Variants in GRIN2B observed in about 807,000 individuals in gnomAD.
GRIN2B encodes glutamate ionotropic receptor NMDA type subunit 2B.
Under a neutral mutation model 114.5 loss-of-function variants are expected in GRIN2B, and 5 were observed. The observed-to-expected ratio is 0.04, with a 90% CI of 0.02 to 0.09. The LOEUF is 0.09. Among genes scored for constraint, GRIN2B ranks in the 10% least tolerant of loss-of-function variants. GRIN2B has a pLI of 1.00. For missense variants in GRIN2B, 1,108 were observed against 1,943.5 expected (o/e 0.57, Z 8.08); for synonymous variants, 787 against 745.1 (o/e 1.06, Z -0.92).
Position 13,759,588 on chromosome 12 carries a change from A to G in GRIN2B, c.412-5673T>C, listed in dbSNP as rs538174826. Among the ~76,000 whole-genome samples the G allele has an allele frequency of 4.6e-5, 7 of 152,274 alleles. 1 individual carries two copies. The East Asian group carries it at 1.2e-3, about 25-fold the overall frequency. On this transcript the variant is annotated intron_variant, in intron 3 of 13. Coordinates refer to ENST00000609686, the MANE Select transcript of GRIN2B (RefSeq NM_000834.5). ...ACCACTTCACTGAAACCCCTCTTGTAAAAGGCAGGTGACTTTGATATTGAC... is the reference window on the plus strand; with the variant it reads ...ACCACTTCACTGAAACCCCTCTTGTGAAAGGCAGGTGACTTTGATATTGAC...
At chr12:13,946,196 G>A (rs1277583614) in intron 2 of GRIN2B, among the ~76,000 whole-genome samples, 5 of 152,062 alleles carry the variant, frequency 3.3e-5, no homozygotes, top group Non-Finnish European at 7.4e-5. Context: ...TTAAAAATTT[G>A]TTTTAAGCTG....
At chr12:13,645,905 A>T (rs1949757557) in intron 5 of GRIN2B, among the ~76,000 whole-genome samples, 8 of 152,150 alleles carry the variant, frequency 5.3e-5, no homozygotes, top group Admixed American at 5.2e-4. Flanking sequence ...TTAAAGACTT[A>T]GTTGTGGAAT....
chr12:13,687,825 A>G (rs1009716134), intron 4 of GRIN2B, among the ~76,000 whole-genome samples: 4 of 152,246 alleles, frequency 2.6e-5, no homozygotes, highest in Non-Finnish European at 5.9e-5. Flanking sequence ...TGTACAAAAT[A>G]TGCTGACTGA....
chr12:13,921,119 A>G (rs1376532345), intron 2 of GRIN2B, among the ~76,000 whole-genome samples: 1 of 152,192 alleles, frequency 6.6e-6, no homozygotes, highest in African/African-American at 2.4e-5. Flanking sequence ...TTTAGGAACC[A>G]GGCATGGTAG....
At chr12:13,789,433 C>T (rs1190937738) in intron 3 of GRIN2B, among the ~76,000 whole-genome samples, 1 of 152,198 alleles carries the variant, frequency 6.6e-6, no homozygotes, top group East Asian at 1.9e-4. Context: ...GGATGCCCCA[C>T]TCCCCTGCAT....
intron 3 of GRIN2B, among the ~76,000 whole-genome samples, chr12:13,791,852 GGTTA>G (rs780085333): frequency 6.6e-5 from 10 of 152,104 alleles, no homozygotes; most frequent in African/African-American, 2.4e-4. Context: ...ATCTGCAAAT[GGTTA>G]GTGTTAACCG....
At chr12:13,849,330 A>G (rs762815793) in intron 3 of GRIN2B, among the ~76,000 whole-genome samples, 52 of 152,086 alleles carry the variant, frequency 3.4e-4, no homozygotes, top group Non-Finnish European at 6.3e-4. Context: ...CTGGACCTAC[A>G]GCTGTCACAG....
At chr12:13,965,609 T>C (rs1867778169) in intron 2 of GRIN2B, among the ~76,000 whole-genome samples, 1 of 151,998 alleles carries the variant, frequency 6.6e-6, no homozygotes, top group Admixed American at 6.6e-5. Context: ...TAGTTACCAG[T>C]TCCCAATTAT....
At chr12:13,944,170 C>G (rs547492688) in intron 2 of GRIN2B, among the ~76,000 whole-genome samples, 1 of 152,170 alleles carries the variant, frequency 6.6e-6, no homozygotes, top group Non-Finnish European at 1.5e-5. Flanking sequence ...TTCTCCAAAT[C>G]TGAAACACCC....
chr12:13,840,378 G>A (rs903048851), intron 3 of GRIN2B, among the ~76,000 whole-genome samples: 2 of 152,184 alleles, frequency 1.3e-5, no homozygotes, highest in African/African-American at 2.4e-5. Flanking sequence ...GCATTAGGAG[G>A]TGGCAGTAAA....
chr12:13,634,056 G>GCAAA (rs1949642473), intron 5 of GRIN2B: 3 of 152,164 alleles, frequency 2.0e-5, no homozygotes, highest in African/African-American at 7.2e-5. Context: ...TCACACCCAA[G>GCAAA]ATGGATTTCA....
intron 3 of GRIN2B, among the ~76,000 whole-genome samples, chr12:13,834,297 A>C (rs1345400675): frequency 6.6e-6 from 1 of 150,430 alleles, no homozygotes; most frequent in Non-Finnish European, 1.5e-5. Flanking sequence ...TCGGCCTCCC[A>C]AAGTGCTGTG....
At chr12:13,814,915 A>T (rs1370079397) in intron 3 of GRIN2B, among the ~76,000 whole-genome samples, 2 of 152,154 alleles carry the variant, frequency 1.3e-5, no homozygotes, top group African/African-American at 4.8e-5. Flanking sequence ...TTGTCTATGA[A>T]TGTTATTTTC....
Position 13,571,944 on chromosome 12 carries a change from G to A in GRIN2B, c.2031C>T (p.Phe677=). The change falls in exon 11 of 14, where the codon TTC becomes TTT. Residue 677 remains phenylalanine (F), a synonymous_variant. Transcript: ENST00000609686. ...SDKKFQRPND[F]SPPFRFGTVP... is the part of the protein sequence containing the mutation. The stretch of plus-strand genomic sequence containing the variant: ...CGGTCCCAAAGCGGAAAGGGGGTGA[G>A]AAGTCATTAGGTCTCTGGAACTGGA... 1 of 1,614,034 alleles carries A rather than the reference G, an allele frequency of 6.2e-7. No homozygotes were observed.
At chr12:13,631,021 C>T (rs977633020) in intron 5 of GRIN2B, among the ~76,000 whole-genome samples, 1 of 152,038 alleles carries the variant, frequency 6.6e-6, no homozygotes, top group East Asian at 1.9e-4. Context: ...ACACTTTTAC[C>T]ACCAGATCTC....
intron 5 of GRIN2B, among the ~76,000 whole-genome samples, chr12:13,625,801 C>A (rs541043674): frequency 6.6e-6 from 1 of 152,104 alleles, no homozygotes; most frequent in Non-Finnish European, 1.5e-5. Context: ...ATGCCAGTAC[C>A]CTTCTGAATT....
chr12:13,685,229 C>G (rs934360124), intron 4 of GRIN2B, among the ~76,000 whole-genome samples: 1 of 152,198 alleles, frequency 6.6e-6, no homozygotes, highest in African/African-American at 2.4e-5. Flanking sequence ...ACAAAATCAA[C>G]ACACAGGAAA....
intron 3 of GRIN2B, among the ~76,000 whole-genome samples, chr12:13,773,072 T>C (rs1863936710): frequency 6.6e-6 from 1 of 152,132 alleles, no homozygotes. Flanking sequence ...AATGGGGTGA[T>C]GGGTTGGAGG....
intron 3 of GRIN2B, among the ~76,000 whole-genome samples, chr12:13,819,523 C>T (rs1163795081): frequency 6.6e-6 from 1 of 152,076 alleles, no homozygotes; most frequent in African/African-American, 2.4e-5. Context: ...GATGTGTTTC[C>T]TAGTTCAAAA....
Sources: allele counts gnomAD v4.1 joint callset (sites outside exome capture counted in the v4.1 genomes callset), GRCh38; gene constraint gnomAD v4.1.1; transcripts MANE v1.5; gene names NCBI Gene and HGNC (gene_info 2026-07-23, HGNC 2026-07-21).